Variants in MYO18A observed in about 807,000 individuals in gnomAD.
MYO18A encodes the protein unconventional myosin-XVIIIa.
MYO18A carries 78 observed loss-of-function variants against 235.8 expected under a neutral mutation model. The ratio of observed to expected loss-of-function variants is 0.33; its 90% CI spans 0.28 to 0.40. The LOEUF is 0.40. Among genes scored for constraint, MYO18A ranks in the 10% least tolerant of loss-of-function variants. MYO18A has a pLI of 1.00. For synonymous variants in MYO18A, 977 were observed against 1,077.8 expected (o/e 0.91, Z 1.83); for missense variants, 2,215 against 2,699.3 (o/e 0.82, Z 3.98).
At chr17:29,173,614 C>T (rs2068457427) in intron 1 of MYO18A, among the ~76,000 whole-genome samples, 2 of 151,550 alleles carry the variant, frequency 1.3e-5, no homozygotes, top group African/African-American at 4.9e-5. Flanking sequence ...GTCTCGATCT[C>T]CTGACCTCGT....
chr17:29,103,577 G>C, intron 21 of MYO18A, 22 bp downstream of exon 21: 1 of 1,613,446 alleles, frequency 6.2e-7, no homozygotes, highest in Non-Finnish European at 8.5e-7. Context: ...AGGCCCGACT[G>C]CCCTCCTGTG....
intron 27 of MYO18A, 81 bp from the exon 28 acceptor site, chr17:29,096,996 GA>G: frequency 6.9e-7 from 1 of 1,452,630 alleles, no homozygotes; most frequent in Non-Finnish European, 9.1e-7. Context: ...GTGGGTGAGT[GA>G]GGGGAAGACC....
At position 29,120,980 on chromosome 17, in the gene MYO18A, C is replaced by T. The variant is rs2067184405; in HGVS notation, c.1585+18G>A. On this transcript the variant is annotated intron_variant, in intron 6 of 41. Transcript: ENST00000527372. This position sits in a 1 kb window ranked among gnomAD's most constrained non-coding sequence, Gnocchi z 4.2. Reference sequence around the variant, plus strand: ...CCCCTCACCCCACTTTCAGTTTTCTCCCTTGTCCCTGCCTCACCAGAAAAC... The same window carrying T: ...CCCCTCACCCCACTTTCAGTTTTCTTCCTTGTCCCTGCCTCACCAGAAAAC... 6.2e-7 allele frequency: 1 copy of T among 1,601,338 alleles called. No homozygotes were observed. The highest frequency in any genetic ancestry group is 2.0e-4 in the Middle Eastern group (1 of 5,018).
At chr17:29,142,360 G>GTGAA (rs1567628550) in intron 2 of MYO18A, among the ~76,000 whole-genome samples, 1 of 152,236 alleles carries the variant, frequency 6.6e-6, no homozygotes, top group Non-Finnish European at 1.5e-5. Context: ...AAATGAATGA[G>GTGAA]TGAATGAATG....
chr17:29,142,888 A>T (rs1009341821), intron 2 of MYO18A, among the ~76,000 whole-genome samples: 1 of 152,166 alleles, frequency 6.6e-6, no homozygotes, highest in Non-Finnish European at 1.5e-5. Context: ...GCTCACTGCA[A>T]CCTCCGCCTC....
At chr17:29,174,802 G>A (rs1010289626) in intron 1 of MYO18A, among the ~76,000 whole-genome samples, 4 of 151,964 alleles carry the variant, frequency 2.6e-5, no homozygotes, top group South Asian at 2.1e-4. Context: ...GCGAAAGGGC[G>A]AGACTCTGTC....
chr17:29,175,734 T>C (rs973456283), intron 1 of MYO18A, among the ~76,000 whole-genome samples: 5 of 151,924 alleles, frequency 3.3e-5, no homozygotes, highest in Non-Finnish European at 5.9e-5. Context: ...TATAAACATA[T>C]ATAGTGCCTA....
At chr17:29,093,297 G>C in intron 32 of MYO18A, 26 bp downstream of exon 32, 2 of 1,593,092 alleles carry the variant, frequency 1.3e-6, no homozygotes, top group South Asian at 1.1e-5. Context: ...AGCCGGCCAG[G>C]CTTGGTGGGT....
In MYO18A at chr17:29,140,382, G is replaced by A. The variant is rs138999832; in HGVS notation, c.1000-18129C>T. 3.0e-5 allele frequency: 38 copies of A among 1,284,228 alleles called. No individual in the cohort carries two copies. In the East Asian group the frequency reaches 1.3e-3, roughly 42 times the overall value. 79.6% of individuals were successfully genotyped at this position (1,284,228 alleles called of 1,614,324 possible). A position where few individuals can be genotyped will look rare whatever the true frequency, so the allele number is the denominator to read the frequency against. On this transcript the variant is annotated intron_variant, in intron 2 of 41. Transcript: ENST00000527372. The surrounding 1 kb of genome is among the most constrained non-coding windows in gnomAD (Gnocchi z 4.2). Reference sequence around the variant, plus strand: ...GAGCAGCCCAGAGCAAGGAGACTCCGCTCTGATGCTGCTCTGGCTCCGTTA... The same window carrying A: ...GAGCAGCCCAGAGCAAGGAGACTCCACTCTGATGCTGCTCTGGCTCCGTTA...
At chr17:29,163,254 C>A (rs1405299650) in intron 2 of MYO18A, among the ~76,000 whole-genome samples, 1 of 152,186 alleles carries the variant, frequency 6.6e-6, no homozygotes, top group Non-Finnish European at 1.5e-5. Context: ...GGAGGAGATA[C>A]AGGCTGAGGG....
intron 2 of MYO18A, among the ~76,000 whole-genome samples, chr17:29,138,375 C>T (rs531714529): frequency 6.6e-6 from 1 of 152,250 alleles, no homozygotes; most frequent in East Asian, 1.9e-4. Context: ...GCTTCTCCTT[C>T]TGAGGACCAA....
intron 1 of MYO18A, among the ~76,000 whole-genome samples, chr17:29,175,062 A>C (rs1288519132): frequency 6.6e-6 from 1 of 152,148 alleles, no homozygotes; most frequent in East Asian, 1.9e-4. Flanking sequence ...TCTGGGGAGG[A>C]GACTGGAATT....
chr17:29,119,270 G>T, intron 8 of MYO18A, 65 bp downstream of exon 8: 1 of 1,275,388 alleles, frequency 7.8e-7, no homozygotes, highest in Non-Finnish European at 1.1e-6. Context: ...TGCAATCAAG[G>T]TCCAGGAGCC....
At chr17:29,143,212 C>T (rs537624150) in intron 2 of MYO18A, among the ~76,000 whole-genome samples, 9 of 152,338 alleles carry the variant, frequency 5.9e-5, no homozygotes, top group African/African-American at 9.6e-5. Flanking sequence ...GCTCTGAGAA[C>T]GGTGTCCAGC....
intron 2 of MYO18A, among the ~76,000 whole-genome samples, chr17:29,136,393 G>GGCA (rs1356692336): frequency 2.0e-5 from 3 of 150,796 alleles, no homozygotes; most frequent in Non-Finnish European, 4.4e-5. Flanking sequence ...CAAAGGTGGT[G>GGCA]GCAGCATATG....
chr17:29,094,187 C>A, intron 30 of MYO18A, 97 bp from the exon 31 acceptor site: 1 of 832,920 alleles, frequency 1.2e-6, no homozygotes, highest in Non-Finnish European at 1.9e-6. Context: ...GGGCCGAGAA[C>A]GTCCACCAGC....
intron 18 of MYO18A, 142 bp downstream of exon 18, chr17:29,110,294 A>AC: frequency 1.6e-6 from 2 of 1,256,902 alleles, no homozygotes; most frequent in Non-Finnish European, 1.1e-6. Context: ...TGAAAAGAAG[A>AC]CCCCCACCTG....
intron 21 of MYO18A, among the ~76,000 whole-genome samples, chr17:29,101,822 A>G (rs1598303025): frequency 6.6e-6 from 1 of 152,164 alleles, no homozygotes; most frequent in African/African-American, 2.4e-5. Context: ...TGAGCCTCAA[A>G]TCTCTCTTGA....
intron 41 of MYO18A, among the ~76,000 whole-genome samples, chr17:29,081,177 A>G (rs974670995): frequency 5.3e-5 from 8 of 152,192 alleles, no homozygotes; most frequent in African/African-American, 1.7e-4. Flanking sequence ...TGGTGGTGAG[A>G]GCATCGGAGG....
Sources: gnomAD v4.1 joint callset for allele counts (sites outside exome capture counted in the v4.1 genomes callset) on GRCh38, gnomAD v4.1.1 for gene constraint, Gnocchi (gnomAD v3.1) non-coding constraint, MANE v1.5 for transcripts, NCBI Gene and HGNC (gene_info 2026-07-23, HGNC 2026-07-21) for gene names.